Variants in SAMD3 observed in about 807,000 individuals in gnomAD.
SAMD3 encodes sterile alpha motif domain-containing protein 3.
A neutral mutation model predicts 58.5 loss-of-function variants in SAMD3; 63 were observed. The ratio of observed to expected loss-of-function variants is 1.08; its 90% CI spans 0.88 to 1.33. The LOEUF is 1.33. Among genes scored for constraint, SAMD3 ranks in the 40% most tolerant of loss-of-function variants. The pLI is 0.00. For synonymous variants in SAMD3, 220 were observed against 210.3 expected, an observed-to-expected ratio of 1.05 and a Z score of -0.40; for missense variants, 604 against 608.4, an observed-to-expected ratio of 0.99 and a Z score of 0.08.
At chr6:130,229,015 A>T (rs541368451) in intron 2 of SAMD3, among the ~76,000 whole-genome samples, 10 of 152,222 alleles carry the variant, frequency 6.6e-5, no homozygotes, top group Non-Finnish European at 1.3e-4. Flanking sequence ...CTGGTGAAAC[A>T]TAAAGACAGG....
intron 2 of SAMD3, among the ~76,000 whole-genome samples, chr6:130,258,463 C>T (rs1029462176): frequency 6.6e-6 from 1 of 152,112 alleles, no homozygotes; most frequent in African/African-American, 2.4e-5. Flanking sequence ...TATTTCCAGT[C>T]TTATTTTGGG....
chr6:130,175,692 A>C, intron 8 of SAMD3, 149 bp downstream of exon 8: 1 of 496,040 alleles, frequency 2.0e-6, no homozygotes, highest in Non-Finnish European at 3.4e-6. Context: ...TTAGCCAGGC[A>C]AAACAGACTT....
chr6:130,189,511 T>A (rs1474011189), intron 5 of SAMD3, among the ~76,000 whole-genome samples: 1 of 152,244 alleles, frequency 6.6e-6, no homozygotes, highest in Middle Eastern at 3.2e-3. Context: ...ATTTCCTTGT[T>A]TCTTTTACTG....
upstream of SAMD3, among the ~76,000 whole-genome samples, chr6:130,227,322 A>C (rs1796408501): frequency 6.6e-6 from 1 of 152,228 alleles, no homozygotes; most frequent in Admixed American, 6.5e-5. Flanking sequence ...AAGGCTGAGT[A>C]ATATTCCATT....
intron 4 of SAMD3, among the ~76,000 whole-genome samples, chr6:130,213,134 A>T (rs1795710250): frequency 6.6e-6 from 1 of 151,954 alleles, no homozygotes; most frequent in East Asian, 1.9e-4. Context: ...AAATAAAAAT[A>T]AACATAAAAA....
At chr6:130,323,032 CAT>C (rs1776637713) in intron 1 of SAMD3, among the ~76,000 whole-genome samples, 1 of 152,062 alleles carries the variant, frequency 6.6e-6, no homozygotes, top group Non-Finnish European at 1.5e-5. Flanking sequence ...AGGCCATTGA[CAT>C]ATAAAATAAA....
intron 2 of SAMD3, among the ~76,000 whole-genome samples, chr6:130,284,873 A>G (rs1481416780): frequency 1.3e-5 from 2 of 152,218 alleles, no homozygotes; most frequent in Non-Finnish European, 2.9e-5. Context: ...AACATTTTAT[A>G]CAATAAGAAG....
At chr6:130,200,096 AC>A (rs1461513866) in intron 5 of SAMD3, among the ~76,000 whole-genome samples, 10 of 152,190 alleles carry the variant, frequency 6.6e-5, no homozygotes, top group African/African-American at 2.2e-4. Context: ...TTCATCAAAA[AC>A]AAAGCAGAAA....
intron 1 of SAMD3, among the ~76,000 whole-genome samples, chr6:130,315,807 G>T (rs139286547): frequency 1.0e-3 from 152 of 151,952 alleles, no homozygotes; most frequent in Middle Eastern, 6.8e-3. Context: ...CACGTGAATG[G>T]TATTTTTCTT....
intron 1 of SAMD3, among the ~76,000 whole-genome samples, chr6:130,362,323 G>A (rs1778012001): frequency 6.6e-6 from 1 of 152,212 alleles, no homozygotes; most frequent in Admixed American, 6.5e-5. Flanking sequence ...ATATTGCCGA[G>A]TCTCGGACTA....
At chr6:130,204,443 C>CA (rs1358259339) in intron 5 of SAMD3, among the ~76,000 whole-genome samples, 1 of 151,998 alleles carries the variant, frequency 6.6e-6, no homozygotes. Context: ...CCTCTGTCTA[C>CA]AAAAAATACA....
At position 130,144,600 on chromosome 6, in the gene SAMD3, T is replaced by C. The variant is rs1268091630; in HGVS notation, c.1483A>G (p.Ile495Val). The C allele has an allele frequency of 1.2e-6, 2 of 1,614,132 alleles. No individual in the cohort carries two copies. The highest frequency in any genetic ancestry group is 3.3e-5 in the Admixed American group (2 of 60,026). ...SQTFNFLETL[I>V]FDMHSPYFPS... ...AAATAAGGACTGTGCATATCGAAAA[T>C]CAGCGTTTCTAGGAAGTTGAAAGTT... is the stretch of plus-strand genomic sequence containing the variant. Residue 495 changes from isoleucine to valine, a missense_variant, in exon 12 of 12, where the codon ATT (isoleucine) becomes GTT (valine). Transcript: ENST00000439090.
intron 5 of SAMD3, among the ~76,000 whole-genome samples, chr6:130,204,807 G>C (rs1230747231): frequency 2.1e-5 from 3 of 143,804 alleles, no homozygotes; most frequent in African/African-American, 7.8e-5. Context: ...GGGATGGAAT[G>C]AATATGTTCA....
At chr6:130,303,744 C>T (rs573993089) in intron 2 of SAMD3, among the ~76,000 whole-genome samples, 17 of 152,336 alleles carry the variant, frequency 1.1e-4, no homozygotes, top group African/African-American at 4.1e-4. Flanking sequence ...CTCTTAACTC[C>T]TGTCCCAGTT....
intron 5 of SAMD3, among the ~76,000 whole-genome samples, chr6:130,199,157 G>T (rs1794413941): frequency 6.6e-6 from 1 of 152,184 alleles, no homozygotes; most frequent in Non-Finnish European, 1.5e-5. Context: ...CATCTCAAGT[G>T]CCACCAGCAA....
intron 2 of SAMD3, among the ~76,000 whole-genome samples, chr6:130,255,558 A>C (rs1773895669): frequency 6.6e-6 from 1 of 152,206 alleles, no homozygotes; most frequent in Non-Finnish European, 1.5e-5. Context: ...AATTTAAAGT[A>C]TATTTTATCT....
chr6:130,189,245 G>A (rs1793303559), intron 5 of SAMD3, among the ~76,000 whole-genome samples: 1 of 152,086 alleles, frequency 6.6e-6, no homozygotes, highest in African/African-American at 2.4e-5. Context: ...AAGTAATTTA[G>A]TTAAATGAAA....
At chr6:130,164,228 G>A (rs535519665) in intron 8 of SAMD3, among the ~76,000 whole-genome samples, 2 of 152,254 alleles carry the variant, frequency 1.3e-5, no homozygotes, top group African/African-American at 4.8e-5. Context: ...TTAGAGAAAT[G>A]TCCTTAACAT....
At chr6:130,352,561 T>G (rs11154571) in intron 1 of SAMD3, among the ~76,000 whole-genome samples, 27,023 of 152,156 alleles carry the variant, frequency 0.18, 2,641 homozygotes, top group East Asian at 0.36. Context: ...TAATGCAAAG[T>G]CAAGGATAGG....
Sources: gnomAD v4.1 joint callset for allele counts (sites outside exome capture counted in the v4.1 genomes callset) on GRCh38, gnomAD v4.1.1 for gene constraint, MANE v1.5 for transcripts, NCBI Gene and HGNC (gene_info 2026-07-23, HGNC 2026-07-21) for gene names.